Variants in JAKMIP2 observed in about 807,000 individuals in gnomAD.
JAKMIP2 encodes the protein janus kinase and microtubule-interacting protein 2.
A neutral mutation model predicts 115.0 loss-of-function variants in JAKMIP2; 25 were observed. The observed-to-expected ratio is 0.22, with a 90% CI of 0.16 to 0.30. The LOEUF (loss-of-function observed/expected upper bound fraction) is 0.30, where lower values mean the gene tolerates loss of function less well. Among genes scored for constraint, JAKMIP2 ranks in the 10% least tolerant of loss-of-function variants. The pLI is 1.00. For synonymous variants in JAKMIP2, 334 were observed against 343.6 expected (o/e 0.97, Z 0.31); for missense variants, 642 against 957.6 (o/e 0.67, Z 4.35).
chr5:147,632,147 G>C (rs149045506), intron 13 of JAKMIP2, among the ~76,000 whole-genome samples: 278 of 152,208 alleles, frequency 1.8e-3, no homozygotes, highest in African/African-American at 6.4e-3. Flanking sequence ...AATTTGGTCA[G>C]ATTAATCAAG....
At chr5:147,672,535 T>C (rs1167455430) in intron 1 of JAKMIP2, among the ~76,000 whole-genome samples, 1 of 152,168 alleles carries the variant, frequency 6.6e-6, no homozygotes, top group Non-Finnish European at 1.5e-5. Flanking sequence ...AATAGAAAAA[T>C]AAGTCAGCCT....
chr5:147,709,642 A>G (rs985215809), intron 1 of JAKMIP2, among the ~76,000 whole-genome samples: 1 of 152,112 alleles, frequency 6.6e-6, no homozygotes, highest in Non-Finnish European at 1.5e-5. Context: ...TAAGGTCAGG[A>G]GTTCAAGACC....
intron 20 of JAKMIP2, among the ~76,000 whole-genome samples, chr5:147,609,666 T>C (rs1181044706): frequency 6.6e-6 from 1 of 152,202 alleles, no homozygotes; most frequent in African/African-American, 2.4e-5. Flanking sequence ...AGGGCTGCTC[T>C]TCTCGAGGAG....
At chr5:147,765,829 A>G (rs1010390637) in intron 1 of JAKMIP2, among the ~76,000 whole-genome samples, 1 of 152,138 alleles carries the variant, frequency 6.6e-6, no homozygotes, top group African/African-American at 2.4e-5. Flanking sequence ...AACAAATTTT[A>G]ATAGACACAG....
chr5:147,722,819 TA>T (rs1561560154), intron 1 of JAKMIP2, among the ~76,000 whole-genome samples: 1 of 152,110 alleles, frequency 6.6e-6, no homozygotes, highest in African/African-American at 2.4e-5. Flanking sequence ...TTATCTAACT[TA>T]AAAAAATTAG....
intron 1 of JAKMIP2, among the ~76,000 whole-genome samples, chr5:147,725,148 G>C (rs79656936): frequency 6.6e-6 from 1 of 151,946 alleles, no homozygotes; most frequent in Non-Finnish European, 1.5e-5. Context: ...CACTCCCACC[G>C]TGCCATGATA....
intron 16 of JAKMIP2, 110 bp downstream of exon 16, chr5:147,628,641 G>T: frequency 1.4e-6 from 1 of 709,598 alleles, no homozygotes; most frequent in Non-Finnish European, 2.4e-6. Context: ...ATGTGTATTA[G>T]GTATTCACAC....
chr5:147,713,078 G>A (rs748457178), intron 1 of JAKMIP2, among the ~76,000 whole-genome samples: 7 of 152,198 alleles, frequency 4.6e-5, no homozygotes, highest in South Asian at 2.1e-4. Context: ...TATTAATAAC[G>A]TATTGTGTAA....
intron 20 of JAKMIP2, among the ~76,000 whole-genome samples, chr5:147,607,605 T>G (rs539009726): frequency 6.6e-6 from 1 of 152,218 alleles, no homozygotes; most frequent in Non-Finnish European, 1.5e-5. Flanking sequence ...GTCACAACGA[T>G]GCTCATCAGG....
chr5:147,743,999 T>TTTCCTTCCTTCCTTCCTTCCTTCC (rs542685199), intron 1 of JAKMIP2, among the ~76,000 whole-genome samples: 16 of 112,076 alleles, frequency 1.4e-4, no homozygotes, highest in African/African-American at 4.0e-4. Flanking sequence ...TCCTAACTTC[T>TTTCCTTCCTTCCTTCCTTCCTTCC]TTCCTTCCTT....
intron 1 of JAKMIP2, among the ~76,000 whole-genome samples, chr5:147,731,543 C>T (rs1753734188): frequency 6.6e-6 from 1 of 152,158 alleles, no homozygotes; most frequent in Non-Finnish European, 1.5e-5. Flanking sequence ...TTCGTGATCT[C>T]TTAAATTAAT....
chr5:147,721,908 G>A (rs1580835485), intron 1 of JAKMIP2, among the ~76,000 whole-genome samples: 1 of 152,134 alleles, frequency 6.6e-6, no homozygotes. Flanking sequence ...ATACTAAAGT[G>A]TGGGAGGAAA....
intron 1 of JAKMIP2, among the ~76,000 whole-genome samples, chr5:147,744,582 G>A (rs1408151039): frequency 1.3e-5 from 2 of 152,140 alleles, no homozygotes; most frequent in Non-Finnish European, 2.9e-5. Context: ...ATATCAGTGT[G>A]CTCCTTACAA....
At chr5:147,630,326 T>A (rs1323702616) in intron 14 of JAKMIP2, among the ~76,000 whole-genome samples, 2 of 152,152 alleles carry the variant, frequency 1.3e-5, no homozygotes, top group African/African-American at 4.8e-5. Flanking sequence ...CTGAACTCCA[T>A]TCGAAAGAGT....
At chr5:147,740,910 G>A (rs1307784036) in intron 1 of JAKMIP2, among the ~76,000 whole-genome samples, 2 of 152,128 alleles carry the variant, frequency 1.3e-5, no homozygotes, top group East Asian at 3.8e-4. Context: ...TACATGGGGA[G>A]GCATTTTTAA....
chr5:147,658,666 T>C (rs927693726), intron 3 of JAKMIP2, among the ~76,000 whole-genome samples: 6 of 152,110 alleles, frequency 3.9e-5, no homozygotes, highest in African/African-American at 1.2e-4. Flanking sequence ...CCCAGGGAGA[T>C]GAGAGTTCTG....
At chr5:147,750,845 G>A (rs1365991126) in intron 1 of JAKMIP2, among the ~76,000 whole-genome samples, 1 of 152,060 alleles carries the variant, frequency 6.6e-6, no homozygotes, top group Non-Finnish European at 1.5e-5. Context: ...GAGGCCATTG[G>A]CAAGCCAGCA....
At chr5:147,764,505 G>A (rs1180509921) in intron 1 of JAKMIP2, among the ~76,000 whole-genome samples, 1 of 151,992 alleles carries the variant, frequency 6.6e-6, no homozygotes, top group Non-Finnish European at 1.5e-5. Context: ...GGGGTGGGAT[G>A]CTGGAGCAAA....
chr5:147,657,354 T>C (rs909159962), intron 3 of JAKMIP2, among the ~76,000 whole-genome samples: 7 of 152,148 alleles, frequency 4.6e-5, no homozygotes, highest in African/African-American at 1.7e-4. Context: ...GCTTGTAGGG[T>C]TTCTGTTGAG....
Sources: allele counts gnomAD v4.1 joint callset (sites outside exome capture counted in the v4.1 genomes callset), GRCh38; gene constraint gnomAD v4.1.1; transcripts MANE v1.5; gene names NCBI Gene and HGNC (gene_info 2026-07-23, HGNC 2026-07-21).